Variants in CACNB4 observed in about 807,000 individuals in gnomAD.
CACNB4 encodes calcium voltage-gated channel auxiliary subunit beta 4.
A neutral mutation model predicts 71.2 loss-of-function variants in CACNB4; 32 were observed. The observed-to-expected ratio is 0.45, with a 90% confidence interval of 0.34 to 0.60. CACNB4 has a LOEUF of 0.60. CACNB4 is among the 20% of genes least tolerant of loss of function. CACNB4 has a pLI of 0.01. For synonymous variants in CACNB4, 231 were observed against 236.9 expected (o/e 0.97, Z 0.23); for missense variants, 464 against 647.9 (o/e 0.72, Z 3.08).
intron 2 of CACNB4, among the ~76,000 whole-genome samples, chr2:151,990,007 G>A (rs978664770): frequency 6.6e-6 from 1 of 151,962 alleles, no homozygotes; most frequent in Non-Finnish European, 1.5e-5. Flanking sequence ...TGTTCCCTGT[G>A]ACAGCCTCCT....
intron 2 of CACNB4, among the ~76,000 whole-genome samples, chr2:151,899,581 G>A (rs550951828): frequency 7.2e-5 from 11 of 152,168 alleles, no homozygotes; most frequent in Admixed American, 5.2e-4. Flanking sequence ...CATTTTTACC[G>A]AGCATTTTAT....
intron 2 of CACNB4, among the ~76,000 whole-genome samples, chr2:152,055,180 T>G (rs1237578776): frequency 6.6e-6 from 1 of 152,086 alleles, no homozygotes; most frequent in East Asian, 1.9e-4. Flanking sequence ...CTTGGCTAAT[T>G]TTTGTATTTT....
intron 2 of CACNB4, among the ~76,000 whole-genome samples, chr2:152,034,021 G>T (rs1579170871): frequency 6.6e-6 from 1 of 151,946 alleles, no homozygotes; most frequent in Admixed American, 6.6e-5. Flanking sequence ...CACCTGGGGG[G>T]GAAAATTAAG....
Position 151,928,587 on chromosome 2 carries a change from G to C in CACNB4, c.148-45217C>G, listed in dbSNP as rs2099860835. ...AAGGTAGTTGCGAAATCAAGCTGTG[G>C]ATATGCAATCTCTGTGCTTCGTTTG... On this transcript the variant is annotated intron_variant, in intron 2 of 13. Transcript: ENST00000539935. 2.6e-5 allele frequency among the ~76,000 whole-genome samples: 4 copies of C among 152,132 alleles called. No homozygotes were observed. In the South Asian group the frequency reaches 8.3e-4, roughly 31 times the overall value.
At chr2:151,895,987 G>A (rs1269991435) in intron 2 of CACNB4, among the ~76,000 whole-genome samples, 1 of 152,004 alleles carries the variant, frequency 6.6e-6, no homozygotes, top group Non-Finnish European at 1.5e-5. Context: ...TGGAATTATA[G>A]GTGCATGCCA....
At chr2:151,875,597 G>C (rs1318616176) in intron 5 of CACNB4, among the ~76,000 whole-genome samples, 1 of 147,606 alleles carries the variant, frequency 6.8e-6, no homozygotes, top group Admixed American at 6.7e-5. Flanking sequence ...TCACCTCCCG[G>C]ACGGGGCGGC....
chr2:152,089,546 C>A (rs1687853925), intron 2 of CACNB4, among the ~76,000 whole-genome samples: 2 of 152,196 alleles, frequency 1.3e-5, no homozygotes, highest in African/African-American at 4.8e-5. Flanking sequence ...TCTCTGCTCA[C>A]ACACTCTGCA....
chr2:151,953,521 T>G (rs1443500822), intron 2 of CACNB4, among the ~76,000 whole-genome samples: 1 of 152,232 alleles, frequency 6.6e-6, no homozygotes, highest in African/African-American at 2.4e-5. Context: ...CTAGAAAATG[T>G]GTGACAAAAA....
chr2:151,981,395 G>C (rs2099874693), intron 2 of CACNB4, among the ~76,000 whole-genome samples: 1 of 152,182 alleles, frequency 6.6e-6, no homozygotes. Flanking sequence ...GTCAGTCAGT[G>C]AGCCAAGGAA....
intron 2 of CACNB4, among the ~76,000 whole-genome samples, chr2:152,081,406 T>C (rs1259241866): frequency 6.6e-6 from 1 of 152,034 alleles, no homozygotes; most frequent in South Asian, 2.1e-4. Context: ...TAATCCTAGC[T>C]ACTTTGGAGG....
chr2:151,950,477 C>A (rs1201862091), intron 2 of CACNB4, among the ~76,000 whole-genome samples: 1 of 152,144 alleles, frequency 6.6e-6, no homozygotes. Context: ...TAGGTATATC[C>A]CCAAAATAAC....
At position 151,881,292 on chromosome 2, in the gene CACNB4, G is replaced by A. The variant is rs1466824586; in HGVS notation, c.268-370C>T. Among the ~76,000 whole-genome samples the A allele has an allele frequency of 1.5e-4, 23 of 151,410 alleles. 1 individual carries two copies. The highest frequency in any genetic ancestry group is 5.6e-4 in the African/African-American group (23 of 41,230). ...CTTGGAATACAGGAAATGTGTGCAA[G>A]GTCTTTTTAAAAAGAAAAAAAAAAA... On this transcript the variant is annotated intron_variant, in intron 3 of 13. Transcript: ENST00000539935.
chr2:152,067,203 A>T (rs1269152128), intron 2 of CACNB4, among the ~76,000 whole-genome samples: 1 of 152,034 alleles, frequency 6.6e-6, no homozygotes, highest in African/African-American at 2.4e-5. Context: ...CCTGTGGGCC[A>T]CTCTTGGCCA....
At position 151,895,182 on chromosome 2, in the gene CACNB4, CA is replaced by C. The variant is rs1456698792; in HGVS notation, c.148-11813del. On this transcript the variant is annotated intron_variant, in intron 2 of 13. Transcript: ENST00000539935. ...AAAACGAACAAAGCTGGAGGCATCA[CA>C]AAACCTGACCTTAAAATATACTACA... Among the ~76,000 whole-genome samples, 45 of 150,758 alleles carry C rather than the reference CA, an allele frequency of 3.0e-4. 2 individuals are homozygous for C. The highest frequency in any genetic ancestry group is 1.0e-3 in the African/African-American group (42 of 40,836).
intron 2 of CACNB4, among the ~76,000 whole-genome samples, chr2:152,067,576 T>C (rs1686416805): frequency 6.6e-6 from 1 of 152,182 alleles, no homozygotes; most frequent in African/African-American, 2.4e-5. Context: ...TTTACTCCAA[T>C]TGGGATCTCA....
chr2:152,036,387 C>A (rs759532110), intron 2 of CACNB4, among the ~76,000 whole-genome samples: 25 of 152,186 alleles, frequency 1.6e-4, no homozygotes, highest in Non-Finnish European at 2.6e-4. Context: ...GCAACCTCTG[C>A]TTTCCAGGTT....
At chr2:151,947,227 G>A (rs1373017436) in intron 2 of CACNB4, among the ~76,000 whole-genome samples, 1 of 152,210 alleles carries the variant, frequency 6.6e-6, no homozygotes, top group South Asian at 2.1e-4. Context: ...CAGGGATGGG[G>A]CTATGCAGGC....
chr2:151,925,584 T>C (rs1248490621), intron 2 of CACNB4, among the ~76,000 whole-genome samples: 1 of 152,124 alleles, frequency 6.6e-6, no homozygotes, highest in East Asian at 1.9e-4. Context: ...GAATTTTCAA[T>C]TTTGTTTGGC....
At position 151,832,997 on chromosome 2, in the gene CACNB4, A is replaced by G. The variant is rs1181568770; in HGVS notation, c.*6122T>C. The G allele has an allele frequency of 6.6e-6, 1 of 152,194 alleles. No homozygotes were observed. Among genetic ancestry groups the G allele is most frequent in the Non-Finnish European group, 1.5e-5 (1 of 68,006 alleles). 9.4% of individuals were successfully genotyped at this position (152,194 alleles called of 1,614,324 possible). A position where few individuals can be genotyped will look rare whatever the true frequency, so the allele number is the denominator to read the frequency against. On this transcript the variant is annotated 3_prime_UTR_variant, in exon 14 of 14. Transcript: ENST00000539935. The stretch of plus-strand genomic sequence containing the variant: ...CATGCAGCACTGTACACATTTGCAT[A>G]GTATATTTTACCCAGCATGCCTTGT...
Sources: allele counts gnomAD v4.1 joint callset (sites outside exome capture counted in the v4.1 genomes callset), GRCh38; gene constraint gnomAD v4.1.1; transcripts MANE v1.5; gene names NCBI Gene and HGNC (gene_info 2026-07-23, HGNC 2026-07-21).